The following POM121C variants were observed in gnomAD, a reference collection of about 807,000 sequenced individuals.
The protein encoded by POM121C is nuclear envelope pore membrane protein POM 121C.
In POM121C, 20 loss-of-function variants were observed where a neutral mutation model predicts 66.4. The observed-to-expected ratio is 0.30, with a 90% CI of 0.21 to 0.44. POM121C has a LOEUF of 0.44. Ranked by LOEUF, POM121C falls within the 20% of genes least tolerant of loss-of-function variation. The pLI, the probability that POM121C is intolerant of heterozygous loss-of-function variation, is 1.00. For synonymous variants in POM121C, 286 were observed against 528.0 expected, an observed-to-expected ratio of 0.54 and a Z score of 6.28; for missense variants, 580 against 1,225.7, an observed-to-expected ratio of 0.47 and a Z score of 7.87.
At chr7:75,450,735 C>G (rs1203992780) in intron 3 of POM121C, among the ~76,000 whole-genome samples, 2 of 152,206 alleles carry the variant, frequency 1.3e-5, no homozygotes, top group African/African-American at 2.4e-5. Flanking sequence ...ACTACTACAG[C>G]CTTCAATGAT....
chr7:75,422,140 C>G lies in POM121C; in HGVS notation c.2112G>C (p.Gln704His), dbSNP rs1409514855. Residue 704 changes from glutamine to histidine, a missense_variant, in exon 13 of 15, where the codon CAG becomes CAC. Physicochemically the swap from Gln to His is conservative, Grantham distance 24. Coordinates refer to ENST00000615331, the MANE Select transcript of POM121C (RefSeq NM_001099415.3). ...PLPSYPGANP[Q>H]PAFGAAEGQP... is the part of the protein sequence containing the mutation. ...GCCCCTCAGCGGCCCCAAATGCGGGCTGGGGGTTGGCTCCCGGATATGATG... is the reference window on the plus strand; with the variant it reads ...GCCCCTCAGCGGCCCCAAATGCGGGGTGGGGGTTGGCTCCCGGATATGATG... 6.2e-7 allele frequency: 1 copy of G among 1,600,618 alleles called. No homozygotes were observed. Among genetic ancestry groups the G allele is most frequent in the Non-Finnish European group, 8.5e-7 (1 of 1,171,960 alleles).
At position 75,450,405 on chromosome 7, in the gene POM121C, C is replaced by A. The variant is rs1790982454; in HGVS notation, c.-151-8758G>T. 1.3e-5 allele frequency among the ~76,000 whole-genome samples: 2 copies of A among 152,220 alleles called. 1 individual carries two copies. The highest frequency in any genetic ancestry group is 4.1e-4 in the South Asian group (2 of 4,832). On this transcript the variant is annotated intron_variant, in intron 3 of 14. Transcript: ENST00000615331. Reference sequence around the variant, plus strand: ...TTCCTCTAGGAAAGCAGGGCAGTCACAAGCACTCAGTTGTTACACGGGCTT... The same window carrying A: ...TTCCTCTAGGAAAGCAGGGCAGTCAAAAGCACTCAGTTGTTACACGGGCTT...
At chr7:75,436,767 A>T (rs587735775) in intron 7 of POM121C, among the ~76,000 whole-genome samples, 2 of 152,236 alleles carry the variant, frequency 1.3e-5, no homozygotes, top group Non-Finnish European at 2.9e-5. Context: ...CCTTATAGCT[A>T]CTAGATGTCA....
At chr7:75,441,274 T>TG (rs1790637113) in intron 4 of POM121C, among the ~76,000 whole-genome samples, 158 bp downstream of exon 4, 1 of 152,064 alleles carries the variant, frequency 6.6e-6, no homozygotes, top group African/African-American at 2.4e-5. Flanking sequence ...CGGCAAAAAG[T>TG]GAAAAACAAA....
At chr7:75,484,186 A>G in intron 1 of POM121C, 1 of 1,609,132 alleles carries the variant, frequency 6.2e-7, no homozygotes, top group Non-Finnish European at 8.5e-7. Context: ...ATACACAAGC[A>G]GGAAAACTCA....
chr7:75,485,351 T>A (rs1268709260), intron 1 of POM121C, among the ~76,000 whole-genome samples: 3 of 152,066 alleles, frequency 2.0e-5, no homozygotes, highest in Admixed American at 6.6e-5. Context: ...GGGAGATAAG[T>A]CTCCTGGGTT....
chr7:75,473,042 C>T (rs587643901), intron 3 of POM121C, among the ~76,000 whole-genome samples: 5 of 152,220 alleles, frequency 3.3e-5, no homozygotes, highest in East Asian at 1.9e-4. Context: ...AGACAAAGAA[C>T]ACAAACCATG....
At chr7:75,420,726 A>G (rs1554470487) in intron 13 of POM121C, 1 of 152,378 alleles carries the variant, frequency 6.6e-6, no homozygotes, top group African/African-American at 2.4e-5. Context: ...CCATCACTGC[A>G]TCCTTCTGCC....
chr7:75,483,975 G>A (rs1219816272), intron 1 of POM121C, among the ~76,000 whole-genome samples: 2 of 152,020 alleles, frequency 1.3e-5, no homozygotes, highest in African/African-American at 2.4e-5. Flanking sequence ...GGTGGCCCAC[G>A]CCTGTAATCC....
intron 6 of POM121C, among the ~76,000 whole-genome samples, 175 bp downstream of exon 6, chr7:75,438,969 T>TTA: frequency 1.3e-5 from 2 of 152,370 alleles, no homozygotes; most frequent in South Asian, 4.1e-4. Flanking sequence ...TTAAAAGGAA[T>TTA]TAGACAGAAG....
intron 4 of POM121C, 28 bp from the exon 5 acceptor site, chr7:75,441,143 T>A (rs1223423869): frequency 1.9e-6 from 3 of 1,608,510 alleles, no homozygotes; most frequent in African/African-American, 2.7e-5. Context: ...ATTCTAGCCG[T>A]AAGATATTTT....
chr7:75,474,258 G>T (rs1554479051), intron 3 of POM121C, among the ~76,000 whole-genome samples: 1 of 152,058 alleles, frequency 6.6e-6, no homozygotes, highest in Non-Finnish European at 1.5e-5. Context: ...GCCAGGCTTG[G>T]TGGCATGTGC....
At chr7:75,437,255 T>C (rs1349090632) in intron 7 of POM121C, among the ~76,000 whole-genome samples, 1 of 152,242 alleles carries the variant, frequency 6.6e-6, no homozygotes, top group Non-Finnish European at 1.5e-5. Context: ...ACAATCCTAA[T>C]GTCCAACAGA....
chr7:75,468,126 TAAA>T (rs368723160), intron 3 of POM121C, among the ~76,000 whole-genome samples: 2 of 64,362 alleles, frequency 3.1e-5, no homozygotes, highest in African/African-American at 3.9e-5. Context: ...AGACTCTGTC[TAAA>T]AAAAAAAAAA....
intron 3 of POM121C, chr7:75,442,624 G>A (rs782648686): frequency 1.8e-5 from 27 of 1,491,100 alleles, no homozygotes; most frequent in South Asian, 1.5e-4. Context: ...GCGCCGCCCC[G>A]GCCGGCCCGC....
chr7:75,430,427 T>C (rs1474412203), intron 7 of POM121C, among the ~76,000 whole-genome samples: 1 of 152,184 alleles, frequency 6.6e-6, no homozygotes, highest in Non-Finnish European at 1.5e-5. Context: ...TCAATAAATG[T>C]TGCTGAGAGA....
chr7:75,479,416 G>A lies in POM121C; in HGVS notation c.-457-4228C>T, dbSNP rs587627201. Among the ~76,000 whole-genome samples the A allele has an allele frequency of 3.5e-3, 533 of 152,046 alleles. 2 individuals are homozygous for A. Among genetic ancestry groups the A allele is most frequent in the African/African-American group, 0.012 (501 of 41,402 alleles). On this transcript the variant is annotated intron_variant, in intron 1 of 14. Coordinates refer to ENST00000615331, the MANE Select transcript of POM121C (RefSeq NM_001099415.3). The stretch of plus-strand genomic sequence containing the variant: ...GGGTGACCTGAGGTCAGGAGTTCGA[G>A]ACCAGCCTGGCCAACATGGCGAAAC...
chr7:75,466,951 G>A (rs1387962575), intron 3 of POM121C, among the ~76,000 whole-genome samples: 5 of 152,212 alleles, frequency 3.3e-5, no homozygotes, highest in Non-Finnish European at 7.3e-5. Context: ...GTCAATGACA[G>A]AGCAGGGCCT....
intron 7 of POM121C, among the ~76,000 whole-genome samples, chr7:75,433,643 G>A (rs1404365005): frequency 1.3e-5 from 2 of 152,200 alleles, no homozygotes; most frequent in East Asian, 3.8e-4. Flanking sequence ...ACAGGCGTGA[G>A]CCACTGTGCC....
Sources: allele counts gnomAD v4.1 joint callset (sites outside exome capture counted in the v4.1 genomes callset), GRCh38; gene constraint gnomAD v4.1.1; transcripts MANE v1.5; gene names NCBI Gene and HGNC (gene_info 2026-07-23, HGNC 2026-07-21).